Variants in INPPL1 observed in about 807,000 individuals in gnomAD.
INPPL1 encodes the protein inositol polyphosphate phosphatase like 1.
In INPPL1, 91 loss-of-function variants were observed where a neutral mutation model predicts 139.3. That is an observed-to-expected ratio of 0.65 (90% confidence interval 0.55 to 0.78). INPPL1 has a LOEUF of 0.78. INPPL1 is among the 30% of genes least tolerant of loss of function. The probability of loss-of-function intolerance (pLI) is 0.00; values close to 1 mark genes in which losing one functional copy is unlikely to be tolerated. For missense variants in INPPL1, 1,411 were observed against 1,665.6 expected, an observed-to-expected ratio of 0.85 and a Z score of 2.66; for synonymous variants, 719 against 686.6, an observed-to-expected ratio of 1.05 and a Z score of -0.74.
At chr11:72,231,350 G>A (rs538033341) in intron 12 of INPPL1, 148 bp from the exon 13 acceptor site, 19 of 925,188 alleles carry the variant, frequency 2.1e-5, no homozygotes, top group South Asian at 3.0e-5. Context: ...TTCATGCCAC[G>A]AGAGGAACCA....
chr11:72,236,032 C>G, intron 25 of INPPL1, 46 bp downstream of exon 25: 2 of 1,011,362 alleles, frequency 2.0e-6, no homozygotes, highest in South Asian at 3.1e-5. Flanking sequence ...CCACCCACCT[C>G]TATCCATCAC....
In INPPL1 at chr11:72,230,907, CGGGCTG is replaced by C; in HGVS notation, c.1300+20_1300+25del. On this transcript the variant is annotated intron_variant, in intron 11 of 27. Transcript: ENST00000298229. ...AGGCACCTGGAACATGGGTCAGGCC[CGGGCTG>C]GGGCTGGGGCGGGAGAGAGGGATGG... 6.2e-7 allele frequency: 1 copy of C among 1,613,874 alleles called. No homozygotes were observed. The highest frequency in any genetic ancestry group is 8.5e-7 in the Non-Finnish European group (1 of 1,179,874).
rs745317721 is a variant in INPPL1, at chr11:72,228,486, C to T, written c.385C>T (p.Arg129Trp). The change falls in exon 3 of 28, where the codon CGG (arginine) becomes TGG (tryptophan). Residue 129 changes from arginine to tryptophan, a missense_variant. Physicochemically the swap from Arg to Trp is moderately radical, Grantham distance 101. Coordinates refer to ENST00000298229, the MANE Select transcript of INPPL1 (RefSeq NM_001567.4). This position sits in a 1 kb window ranked among gnomAD's most constrained non-coding sequence, Gnocchi z 5.0. ...GCGAGAGCCGGACCCACCGGATGAC[C>T]GGGATGCCTCAGGTACTTCCCAGTG... ...GEREPDPPDD[R>W]DASDGEDEKP... 44 of 1,607,200 alleles carry T rather than the reference C, an allele frequency of 2.7e-5. No homozygotes were observed. The highest frequency in any genetic ancestry group is 6.6e-5 in the South Asian group (6 of 91,012).
At position 72,230,870 on chromosome 11, in the gene INPPL1, C is replaced by T. The variant is rs776507833; in HGVS notation, c.1272C>T (p.Ile424=). 4 of 1,613,902 alleles carry T rather than the reference C, an allele frequency of 2.5e-6. No individual in the cohort carries two copies. Among genetic ancestry groups the T allele is most frequent in the South Asian group, 2.2e-5 (2 of 91,078 alleles). ...CCAAGCAGGACGAGCCCGACATGAT[C>T]TCAGTCTTCATAGGCACCTGGAACA... ...KHSKQDEPDM[I]SVFIGTWNMG... Residue 424 remains isoleucine, a synonymous_variant, in exon 11 of 28, where the codon ATC becomes ATT. Coordinates refer to ENST00000298229, the MANE Select transcript of INPPL1 (RefSeq NM_001567.4).
chr11:72,231,561 C>T lies in INPPL1; in HGVS notation c.1561C>T (p.Arg521Cys), dbSNP rs1343051627. ...AVLVKPEHENRISHVSTSSVK... is the reference protein window; with the variant it reads ...AVLVKPEHENCISHVSTSSVK... ...GCTGGTCAAGCCAGAGCACGAGAAC[C>T]GTATCAGCCATGTCAGTACGTCCAG... The change falls in exon 13 of 28, where the codon CGT becomes TGT. Residue 521 changes from arginine to cysteine, a missense_variant. This residue lies in a region of INPPL1 where 363 missense variants were observed against 446.2 expected (regional missense o/e 0.81). Transcript: ENST00000298229. 1.2e-6 allele frequency: 2 copies of T among 1,613,960 alleles called. No individual in the cohort carries two copies. Among genetic ancestry groups the T allele is most frequent in the East Asian group, 2.2e-5 (1 of 44,870 alleles).
chr11:72,235,217 G>T lies in INPPL1; in HGVS notation c.2503+14G>T. 6.2e-7 allele frequency: 1 copy of T among 1,613,852 alleles called. No homozygotes were observed. Among genetic ancestry groups the T allele is most frequent in the Non-Finnish European group, 8.5e-7 (1 of 1,179,844 alleles). On this transcript the variant is annotated intron_variant, in intron 22 of 27. Transcript: ENST00000298229. The surrounding 1 kb of genome is among the most constrained non-coding windows in gnomAD (Gnocchi z 4.9). The stretch of plus-strand genomic sequence containing the variant: ...ATGAATCCTATGGTGAGGGGTGAGG[G>T]GTGCTGAGGGGAACAGGAAGCCAGA...
At chr11:72,227,991 C>CGCCGTATCATTAAAAAAA in intron 1 of INPPL1, 199 bp from the exon 2 acceptor site, 5 of 608,150 alleles carry the variant, frequency 8.2e-6, no homozygotes, top group Non-Finnish European at 1.5e-5. Context: ...GTGTTCTGGT[C>CGCCGTATCATTAAAAAAA]ATTCCTGCCC....
Position 72,228,631 on chromosome 11 carries a change from C to T in INPPL1, c.398-96C>T, listed in dbSNP as rs1403280046. The T allele has an allele frequency of 1.3e-6, 2 of 1,548,152 alleles. No homozygotes were observed. The highest frequency in any genetic ancestry group is 3.6e-5 in the Admixed American group (2 of 55,844). On this transcript the variant is annotated intron_variant, in intron 3 of 27. Coordinates refer to ENST00000298229, the MANE Select transcript of INPPL1 (RefSeq NM_001567.4). This position sits in a 1 kb window ranked among gnomAD's most constrained non-coding sequence, Gnocchi z 5.0. ...GGCCATGATGCCGGGGCCCTTTAAC[C>T]CTCTTTCCATGGAAGTCACTTTACA...
chr11:72,224,861 G>C lies in INPPL1; in HGVS notation c.-124G>C. 3.2e-6 allele frequency: 2 copies of C among 625,270 alleles called. No individual in the cohort carries two copies. Among genetic ancestry groups the C allele is most frequent in the Non-Finnish European group, 4.1e-6 (2 of 492,894 alleles). The allele number at this position is 625,270 out of a possible 1,614,324, so 38.7% of individuals were successfully genotyped here. On this transcript the variant is annotated 5_prime_UTR_variant, in exon 1 of 28. Transcript: ENST00000298229. The stretch of plus-strand genomic sequence containing the variant: ...GCGGAGTGCTGAGTCCCGATCCCCG[G>C]CTCTGTCCGGCCCACGGATCCTCAA...
chr11:72,231,073 A>ACCATACC lies in INPPL1; in HGVS notation c.1386_1392dup (p.Asp465ThrfsTer3), dbSNP rs1296795388. 6.2e-7 allele frequency: 1 copy of ACCATACC among 1,614,088 alleles called. No individual in the cohort carries two copies. The highest frequency in any genetic ancestry group is 8.5e-7 in the Non-Finnish European group (1 of 1,180,006). On this transcript the variant is annotated frameshift_variant, in exon 12 of 28. Coordinates refer to ENST00000298229, the MANE Select transcript of INPPL1 (RefSeq NM_001567.4). LOFTEE classifies it high-confidence loss of function. ...GAAGACCCTGGACGAGGTCACAGTG[A>ACCATACC]CCATACCCCATGACATCTATGTCTT...
chr11:72,231,072 G>T lies in INPPL1; in HGVS notation c.1380G>T (p.Val460=). The change falls in exon 12 of 28, where the codon GTG becomes GTT. Residue 460 remains valine, a synonymous_variant. Transcript: ENST00000298229. ...GGAAGACCCTGGACGAGGTCACAGTGACCATACCCCATGACATCTATGTCT... is the reference window on the plus strand; with the variant it reads ...GGAAGACCCTGGACGAGGTCACAGTTACCATACCCCATGACATCTATGTCT... ...GLGKTLDEVT[V]TIPHDIYVFG... 1.2e-6 allele frequency: 2 copies of T among 1,614,148 alleles called. No individual in the cohort carries two copies. Among genetic ancestry groups the T allele is most frequent in the South Asian group, 1.1e-5 (1 of 91,076 alleles).
In INPPL1 at chr11:72,237,398, G is replaced by A. The variant is rs753741099; in HGVS notation, c.3154G>A (p.Asp1052Asn). ...GTCTGGAGGCACACTGCCCCCTCCA[G>A]ACTTTCCACCTCCACCACTGCCGGA... ...EESGGTLPPP[D>N]FPPPPLPDSA... is the part of the protein sequence containing the mutation. The change falls in exon 26 of 28, where the codon GAC becomes AAC. Residue 1052 changes from aspartate (D) to asparagine (N), a missense_variant. Asp to Asn is a conservative substitution (Grantham distance 23). Transcript: ENST00000298229. The A allele has an allele frequency of 1.2e-6, 2 of 1,613,472 alleles. No homozygotes were observed. Among genetic ancestry groups the A allele is most frequent in the Non-Finnish European group, 8.5e-7 (1 of 1,179,762 alleles).
chr11:72,228,366 G>A lies in INPPL1; in HGVS notation c.265G>A (p.Val89Met). 2 of 1,613,546 alleles carry A rather than the reference G, an allele frequency of 1.2e-6. No homozygotes were observed. Among genetic ancestry groups the A allele is most frequent in the South Asian group, 1.1e-5 (1 of 91,080 alleles). Residue 89 changes from valine (V) to methionine (M), a missense_variant, in exon 3 of 28, where the codon GTG becomes ATG. This residue lies in a region of INPPL1 where 504 missense variants were observed against 595.6 expected (regional missense o/e 0.85). Transcript: ENST00000298229. This position sits in a 1 kb window ranked among gnomAD's most constrained non-coding sequence, Gnocchi z 5.0. Reference sequence around the variant, plus strand: ...CCCACAGACCTCGCAGGGTGTGCCTGTGCGCCGCTTCCAGACCCTGGGTGA... The same window carrying A: ...CCCACAGACCTCGCAGGGTGTGCCTATGCGCCGCTTCCAGACCCTGGGTGA... ...LAVQTSQGVP[V>M]RRFQTLGELI...
intron 25 of INPPL1, 106 bp from the exon 26 acceptor site, chr11:72,237,018 G>A (rs1949004915): frequency 1.0e-6 from 1 of 970,624 alleles, no homozygotes; most frequent in African/African-American, 1.6e-5. Context: ...AGAAAGTCTA[G>A]GACCAGGGGA....
rs753819047 is a variant in INPPL1 at position 72,231,484 on chromosome 11, C to T, written c.1498-14C>T. 2 of 1,580,422 alleles carry T rather than the reference C, an allele frequency of 1.3e-6. No homozygotes were observed. Among genetic ancestry groups the T allele is most frequent in the Admixed American group, 1.7e-5 (1 of 60,002 alleles). ...GTGCAGCAGGGCAGTGGTGACCATG[C>T]ACTCTCTACCCAGATTGCCATGCAA... is the stretch of plus-strand genomic sequence containing the variant. On this transcript the variant is annotated splice_polypyrimidine_tract_variant and intron_variant, in intron 12 of 27. Coordinates refer to ENST00000298229, the MANE Select transcript of INPPL1 (RefSeq NM_001567.4).
chr11:72,228,953 C>A lies in INPPL1; in HGVS notation c.518+106C>A. 6.6e-7 allele frequency: 1 copy of A among 1,520,148 alleles called. No homozygotes were observed. Among genetic ancestry groups the A allele is most frequent in the Non-Finnish European group, 8.8e-7 (1 of 1,133,400 alleles). The allele number at this position is 1,520,148 out of a possible 1,614,324, so 94.2% of individuals were successfully genotyped here. ...TCTAAGACCCCACCAGGGACCCCCA[C>A]CCCACCTCAGCCCAGAGGCAGATAA... On this transcript the variant is annotated intron_variant, in intron 4 of 27. Coordinates refer to ENST00000298229, the MANE Select transcript of INPPL1 (RefSeq NM_001567.4). This position sits in a 1 kb window ranked among gnomAD's most constrained non-coding sequence, Gnocchi z 5.0.
Position 72,230,319 on chromosome 11 carries a change from G to A in INPPL1, c.1091-43G>A, listed in dbSNP as rs1178664469. On this transcript the variant is annotated intron_variant, in intron 9 of 27. Transcript: ENST00000298229. The stretch of plus-strand genomic sequence containing the variant: ...AGGGGTGGGCAGGGCGGAGCCCCTG[G>A]CCTAGGGGCACAGGCCCATGTGACC... The A allele has an allele frequency of 5.0e-6, 8 of 1,613,126 alleles. No homozygotes were observed. In the Admixed American group the frequency reaches 1.2e-4, roughly 24 times the overall value.
rs747668717 is a variant in INPPL1 at position 72,230,819 on chromosome 11, G to A, written c.1221G>A (p.Leu407=). 9.3e-6 allele frequency: 15 copies of A among 1,613,910 alleles called. 1 individual carries two copies. The South Asian group carries it at 1.5e-4, about 17-fold the overall frequency. Residue 407 remains leucine (L), a synonymous_variant, in exon 11 of 28, where the codon CTG becomes CTA. Coordinates refer to ENST00000298229, the MANE Select transcript of INPPL1 (RefSeq NM_001567.4). ...SARKREAFCQ[L]LQLMKNKHSK... is the part of the protein sequence containing the mutation. ...AGAAGCGGGAGGCCTTCTGCCAGCT[G>A]TTGCAGCTCATGAAGAACAAGCACT...
At position 72,229,527 on chromosome 11, in the gene INPPL1, C is replaced by A. The variant is rs760513714; in HGVS notation, c.722C>A (p.Ser241Ter). Residue 241 changes from serine to a stop codon, truncating the protein, a stop_gained, in exon 6 of 28, where the codon TCG becomes TAG. Coordinates refer to ENST00000298229, the MANE Select transcript of INPPL1 (RefSeq NM_001567.4). LOFTEE classifies it high-confidence loss of function. ...TCCAAGGTGTTTGACCAGCAGAGCT[C>A]GCCCATGGTGACCCGCCTTTTGCAG... ...ILSKVFDQQS[S>*]PMVTRLLQQQ... 4 of 1,613,994 alleles carry A rather than the reference C, an allele frequency of 2.5e-6. 1 individual carries two copies. The South Asian group carries it at 4.4e-5, about 18-fold the overall frequency.
Sources: allele counts gnomAD v4.1 joint callset, GRCh38; gene constraint gnomAD v4.1.1; regional missense constraint gnomAD v4.1.1; non-coding constraint Gnocchi (gnomAD v3.1); transcripts MANE v1.5; gene names NCBI Gene and HGNC (gene_info 2026-07-23, HGNC 2026-07-21).